Variants in SRGAP2B observed in about 807,000 individuals in gnomAD.
SRGAP2B encodes SLIT-ROBO Rho GTPase activating protein 2B, also known as SLIT-ROBO Rho GTPase-activating protein 2B.
A neutral mutation model predicts 22.2 loss-of-function variants in SRGAP2B; 9 were observed. The observed-to-expected ratio is 0.41, with a 90% CI of 0.24 to 0.71. SRGAP2B has a LOEUF of 0.71. Ranked by LOEUF, SRGAP2B falls within the 30% of genes least tolerant of loss-of-function variation. SRGAP2B has a pLI of 0.35. For synonymous variants in SRGAP2B, 36 were observed against 87.4 expected (o/e 0.41, Z 3.28); for missense variants, 114 against 235.8 (o/e 0.48, Z 3.38).
In SRGAP2B at chr1:144,964,971, C is replaced by G. The variant is rs1431086899; in HGVS notation, c.261-9370G>C. 42 of 1,435,380 alleles carry G rather than the reference C, an allele frequency of 2.9e-5. No individual in the cohort carries two copies. In the East Asian group the frequency reaches 8.4e-4, roughly 29 times the overall value. 88.9% of individuals were successfully genotyped at this position (1,435,380 alleles called of 1,614,324 possible). A position where few individuals can be genotyped will look rare whatever the true frequency, so the allele number is the denominator to read the frequency against. On this transcript the variant is annotated intron_variant, in intron 3 of 9. Transcript: ENST00000612199. ...GAGGGAGGACACAGAGCCGCGCCGC[C>G]TGCACCAGAGACCTTCGCCTCGCCC...
At chr1:145,058,054 A>T (rs1228208995) in intron 2 of SRGAP2B, among the ~76,000 whole-genome samples, 2 of 147,660 alleles carry the variant, frequency 1.4e-5, no homozygotes, top group African/African-American at 5.2e-5. Flanking sequence ...TAAATGGCAA[A>T]GTGCAAAGGT....
intron 4 of SRGAP2B, among the ~76,000 whole-genome samples, chr1:144,939,435 T>C (rs1186405890): frequency 4.0e-5 from 6 of 149,588 alleles, no homozygotes; most frequent in African/African-American, 1.5e-4. Context: ...CAAGATCCTA[T>C]AGACAACAAA....
In SRGAP2B at chr1:145,036,317, C is replaced by A. The variant is rs1304240565; in HGVS notation, c.68-41117G>T. Among the ~76,000 whole-genome samples the A allele has an allele frequency of 1.4e-5, 2 of 145,172 alleles. 1 individual carries two copies. Among genetic ancestry groups the A allele is most frequent in the Non-Finnish European group, 3.0e-5 (2 of 67,128 alleles). ...AACTAACACCTTCCTCCAATACTGT[C>A]AATATGCTTCCCAACCCTAAAGGCA... On this transcript the variant is annotated intron_variant, in intron 2 of 9. Transcript: ENST00000612199.
At chr1:144,957,981 C>T (rs1399173713) in intron 3 of SRGAP2B, among the ~76,000 whole-genome samples, 1 of 149,746 alleles carries the variant, frequency 6.7e-6, no homozygotes, top group Non-Finnish European at 1.5e-5. Context: ...ACTTTACATA[C>T]ACACAAATAA....
intron 4 of SRGAP2B, among the ~76,000 whole-genome samples, chr1:144,924,484 T>TA (rs1159934929): frequency 6.7e-6 from 1 of 149,200 alleles, no homozygotes; most frequent in East Asian, 1.9e-4. Context: ...CTCACGCCTG[T>TA]AATCCCAGCA....
intron 2 of SRGAP2B, among the ~76,000 whole-genome samples, chr1:145,011,235 ACAC>A (rs1336762765): frequency 1.3e-5 from 1 of 78,454 alleles, no homozygotes; most frequent in Non-Finnish European, 2.4e-5. Flanking sequence ...TGGCCTGAGA[ACAC>A]CACACTCTCT....
chr1:144,990,691 G>A lies in SRGAP2B; in HGVS notation c.260+4317C>T, dbSNP rs376365668. ...AACCGGGGCTGCGTGCGGCGCTTGCGGGCCAGCTGGAGTTCCGGGTGGGCT... is the reference window on the plus strand; with the variant it reads ...AACCGGGGCTGCGTGCGGCGCTTGCAGGCCAGCTGGAGTTCCGGGTGGGCT... On this transcript the variant is annotated intron_variant, in intron 3 of 9. Transcript: ENST00000612199. Among the ~76,000 whole-genome samples, 146 of 150,556 alleles carry A rather than the reference G, an allele frequency of 9.7e-4. 9 individuals are homozygous for A. In the East Asian group the frequency reaches 0.013, roughly 13 times the overall value.
intron 3 of SRGAP2B, among the ~76,000 whole-genome samples, chr1:144,981,330 G>A (rs1197672223): frequency 1.4e-4 from 12 of 83,514 alleles, no homozygotes; most frequent in Non-Finnish European, 2.8e-4. Context: ...AAAGCTCCCC[G>A]CACACTAGCA....
At chr1:145,011,236 C>G (rs1468660471) in intron 2 of SRGAP2B, among the ~76,000 whole-genome samples, 1 of 79,016 alleles carries the variant, frequency 1.3e-5, no homozygotes, top group Non-Finnish European at 2.4e-5. Flanking sequence ...GGCCTGAGAA[C>G]ACCACACTCT....
chr1:145,036,413 A>G (rs1382678237), intron 2 of SRGAP2B, among the ~76,000 whole-genome samples: 10 of 132,170 alleles, frequency 7.6e-5, no homozygotes, highest in Admixed American at 7.1e-4. Flanking sequence ...CTCCAAAACT[A>G]TCATGAGATT....
At chr1:144,968,672 G>C (rs1203399711) in intron 3 of SRGAP2B, among the ~76,000 whole-genome samples, 2 of 115,594 alleles carry the variant, frequency 1.7e-5, no homozygotes, top group African/African-American at 7.2e-5. Flanking sequence ...GAAATAAAGG[G>C]TATTCAATTA....
At chr1:144,965,653 G>A (rs1484827086) in intron 3 of SRGAP2B, among the ~76,000 whole-genome samples, 2 of 125,672 alleles carry the variant, frequency 1.6e-5, no homozygotes, top group South Asian at 2.5e-4. Context: ...TGATTTTGAC[G>A]AGCTGAGAGA....
At chr1:144,943,403 C>T (rs1469594651) in intron 4 of SRGAP2B, among the ~76,000 whole-genome samples, 6 of 151,730 alleles carry the variant, frequency 4.0e-5, no homozygotes, top group Non-Finnish European at 8.8e-5. Flanking sequence ...CAGTAGATTA[C>T]AAAATAGTAT....
intron 2 of SRGAP2B, among the ~76,000 whole-genome samples, chr1:145,023,089 C>T (rs782477071): frequency 6.1e-5 from 9 of 148,240 alleles, no homozygotes; most frequent in African/African-American, 7.6e-5. Flanking sequence ...CACTTGAACC[C>T]GGGAGAGGCG....
chr1:144,989,030 T>C (rs59371905), intron 3 of SRGAP2B, among the ~76,000 whole-genome samples: 1 of 118,988 alleles, frequency 8.4e-6, no homozygotes, highest in Non-Finnish European at 1.7e-5. Flanking sequence ...TTTTTGCTCT[T>C]ACTTTGTGTG....
intron 2 of SRGAP2B, among the ~76,000 whole-genome samples, chr1:145,076,515 C>T (rs149251460): frequency 4.1e-3 from 604 of 147,944 alleles, no homozygotes; most frequent in African/African-American, 0.015. Flanking sequence ...CTGAATGAGT[C>T]TTCAGACACT....
At chr1:145,040,669 CCT>C (rs1649121206) in intron 2 of SRGAP2B, among the ~76,000 whole-genome samples, 1 of 149,470 alleles carries the variant, frequency 6.7e-6, no homozygotes, top group African/African-American at 2.5e-5. Context: ...TTTGCTGACC[CCT>C]GATTTAATTA....
Position 145,009,587 on chromosome 1 carries a change from C to CAA in SRGAP2B, c.68-14389_68-14388dup, listed in dbSNP as rs142447274. Among the ~76,000 whole-genome samples the CAA allele has an allele frequency of 4.7e-4, 37 of 79,528 alleles. 2 individuals carry two copies. Among genetic ancestry groups the CAA allele is most frequent in the East Asian group, 8.1e-4 (2 of 2,478 alleles). The allele number at this position is 79,528 out of a possible 152,430, so 52.2% of individuals were successfully genotyped here. A position where few individuals can be genotyped will look rare whatever the true frequency, so the allele number is the denominator to read the frequency against. ...TGGGCGACAGAGCGAGACTCCGTCT[C>CAA]AAAAAAAAAAAAAACAAAATTGGCC... is the stretch of plus-strand genomic sequence containing the variant. On this transcript the variant is annotated intron_variant, in intron 2 of 9. Coordinates refer to ENST00000612199, the Ensembl canonical transcript of SRGAP2B.
At chr1:145,081,295 G>C (rs1421873014) in intron 2 of SRGAP2B, among the ~76,000 whole-genome samples, 11 of 149,552 alleles carry the variant, frequency 7.4e-5, no homozygotes, top group Non-Finnish European at 1.5e-4. Flanking sequence ...ACAGAGCTGA[G>C]ACATAAGAAG....
Sources: gnomAD v4.1 joint callset for allele counts (sites outside exome capture counted in the v4.1 genomes callset) on GRCh38, gnomAD v4.1.1 for gene constraint, MANE v1.5 for transcripts, NCBI Gene and HGNC (gene_info 2026-07-23, HGNC 2026-07-21) for gene names.